The following VSX2 variants were observed in gnomAD, a reference collection of about 807,000 sequenced individuals.
The protein encoded by VSX2 is visual system homeobox 2.
VSX2 carries 28 observed loss-of-function variants against 32.1 expected under a neutral mutation model. That is an observed-to-expected ratio of 0.87 (90% CI 0.65 to 1.20). The LOEUF is 1.20. Among genes scored for constraint, VSX2 ranks in the 50% most tolerant of loss-of-function variants. The pLI is 0.00. For synonymous variants in VSX2, 243 were observed against 214.1 expected, an observed-to-expected ratio of 1.14 and a Z score of -1.18; for missense variants, 506 against 488.7, an observed-to-expected ratio of 1.04 and a Z score of -0.33.
At chr14:74,239,975 A>C (rs2079138714) in intron 1 of VSX2, 44 bp downstream of exon 1, 2 of 1,540,888 alleles carry the variant, frequency 1.3e-6, no homozygotes, top group Non-Finnish European at 1.8e-6. Context: ...GGGGGGCGAC[A>C]GCCGGGAGCC....
intron 2 of VSX2, among the ~76,000 whole-genome samples, chr14:74,244,920 G>GTGTGTGTGTC (rs2079176854): frequency 1.2e-5 from 1 of 83,272 alleles, no homozygotes. Flanking sequence ...GTGTGTGTGT[G>GTGTGTGTGTC]TGTGTGTGTG....
At chr14:74,244,979 T>TGA (rs2079181007) in intron 2 of VSX2, among the ~76,000 whole-genome samples, 186 bp from the exon 3 acceptor site, 2 of 39,102 alleles carry the variant, frequency 5.1e-5, no homozygotes, top group South Asian at 1.3e-3. Context: ...TGTGTGTGTG[T>TGA]GTGAGAGAGA....
intron 3 of VSX2, among the ~76,000 whole-genome samples, chr14:74,258,645 G>A (rs1318463102): frequency 2.0e-5 from 3 of 152,154 alleles, no homozygotes; most frequent in Non-Finnish European, 4.4e-5. Context: ...AGGGGCTCCC[G>A]GCTCTGTCAG....
intron 3 of VSX2, among the ~76,000 whole-genome samples, chr14:74,258,437 G>A (rs2079281872): frequency 6.6e-6 from 1 of 152,172 alleles, no homozygotes; most frequent in African/African-American, 2.4e-5. Context: ...CCCAGACCCA[G>A]GCAAGGAAAT....
chr14:74,256,669 CTTTTTTTTTTTT>C (rs34012116), intron 3 of VSX2, among the ~76,000 whole-genome samples: 1 of 93,052 alleles, frequency 1.1e-5, no homozygotes, highest in Non-Finnish European at 2.0e-5. Context: ...GGGAGTCATA[CTTTTTTTTTTTT>C]TTTTTTTTTT....
intron 3 of VSX2, among the ~76,000 whole-genome samples, chr14:74,247,508 G>A (rs1462860167): frequency 6.6e-6 from 1 of 152,224 alleles, no homozygotes; most frequent in East Asian, 1.9e-4. Context: ...CTCGGTGTCA[G>A]ATCTGATCTT....
At chr14:74,259,291 C>A (rs1405900148) in intron 3 of VSX2, among the ~76,000 whole-genome samples, 1 of 152,158 alleles carries the variant, frequency 6.6e-6, no homozygotes, top group East Asian at 1.9e-4. Context: ...TGCAAGAGAG[C>A]CATCAGTGGC....
At chr14:74,248,699 A>G (rs2079210668) in intron 3 of VSX2, among the ~76,000 whole-genome samples, 1 of 50,856 alleles carries the variant, frequency 2.0e-5, no homozygotes, top group East Asian at 4.8e-4. Context: ...TCAAAAACAA[A>G]CGAACAAAAA....
chr14:74,242,036 A>G (rs1014227879), intron 2 of VSX2, among the ~76,000 whole-genome samples: 2 of 152,146 alleles, frequency 1.3e-5, no homozygotes, highest in Non-Finnish European at 2.9e-5. Context: ...TATATCTTGA[A>G]AAGTAACCTA....
chr14:74,241,801 T>A (rs896666857), intron 2 of VSX2, among the ~76,000 whole-genome samples: 4 of 152,220 alleles, frequency 2.6e-5, no homozygotes, highest in African/African-American at 9.6e-5. Flanking sequence ...TGCTCATTCG[T>A]GATTCTGACC....
Position 74,241,234 on chromosome 14 carries a change from C to A in VSX2, c.423C>A (p.Asn141Lys). Residue 141 changes from asparagine to lysine, a missense_variant, in exon 2 of 5, where the codon AAC becomes AAA. Asn to Lys is a moderately conservative substitution (Grantham distance 94). Coordinates refer to ENST00000261980, the MANE Select transcript of VSX2 (RefSeq NM_182894.3). ...SDRKMSKSAL[N>K]QTKKRKKRRH... ...GAAAAATGTCCAAATCTGCTTTAAACCAGACCAAGAAACGGAAGAAGCGGC... is the reference window on the plus strand; with the variant it reads ...GAAAAATGTCCAAATCTGCTTTAAAACAGACCAAGAAACGGAAGAAGCGGC... 6.2e-7 allele frequency: 1 copy of A among 1,613,444 alleles called. No homozygotes were observed. The highest frequency in any genetic ancestry group is 8.5e-7 in the Non-Finnish European group (1 of 1,180,004).
At position 74,241,472 on chromosome 14, in the gene VSX2, G is replaced by C. The variant is rs1475151478; in HGVS notation, c.455+206G>C. 2.0e-5 allele frequency among the ~76,000 whole-genome samples: 3 copies of C among 152,242 alleles called. No homozygotes were observed. The East Asian group carries it at 5.8e-4, about 29-fold the overall frequency. On this transcript the variant is annotated intron_variant, in intron 2 of 4. Transcript: ENST00000261980. ...GGTTGAGCAGGATGAGTGGCCGCCG[G>C]GAAAGCGGCCCGGTTCGGGCTTTCT...
chr14:74,259,730 C>T lies in VSX2; in HGVS notation c.708C>T (p.Ile236=). ...ACTCCATCCCCCTGCCCGAGTCCAT[C>T]CTCAAGTCAGCCAAGGATGGCATCA... is the stretch of plus-strand genomic sequence containing the variant. ...VRHSIPLPES[I]LKSAKDGIMD... The change falls in exon 4 of 5, where the codon ATC becomes ATT. Residue 236 remains isoleucine (I), a synonymous_variant. Coordinates refer to ENST00000261980, the MANE Select transcript of VSX2 (RefSeq NM_182894.3). 1 of 1,613,654 alleles carries T rather than the reference C, an allele frequency of 6.2e-7. No homozygotes were observed. Among genetic ancestry groups the T allele is most frequent in the African/African-American group, 1.3e-5 (1 of 75,038 alleles).
At chr14:74,242,844 C>T (rs980174703) in intron 2 of VSX2, among the ~76,000 whole-genome samples, 5 of 152,064 alleles carry the variant, frequency 3.3e-5, no homozygotes, top group African/African-American at 9.7e-5. Context: ...GAAAAAGCAT[C>T]CCCAAACCCT....
rs762750114 is a variant in VSX2, at chr14:74,260,646, G to C, written c.813G>C (p.Glu271Asp). The C allele has an allele frequency of 1.1e-5, 17 of 1,606,088 alleles. No homozygotes were observed. The highest frequency in any genetic ancestry group is 1.7e-4 in the Middle Eastern group (1 of 6,046). ...CAGCCGAGTCGGGGAGGAAGCCCGA[G>C]GGGGAACGCCAGGCCCTGCCCAAGC... ...EAAAESGRKP[E>D]GERQALPKLD... The change falls in exon 5 of 5, where the codon GAG becomes GAC. Residue 271 changes from glutamate to aspartate, a missense_variant. Physicochemically the swap from Glu to Asp is conservative, Grantham distance 45 (BLOSUM62 2). Coordinates refer to ENST00000261980, the MANE Select transcript of VSX2 (RefSeq NM_182894.3).
Position 74,262,317 on chromosome 14 carries a change from C to A in VSX2, c.*1398C>A, listed in dbSNP as rs1404099047. On this transcript the variant is annotated 3_prime_UTR_variant, in exon 5 of 5. Coordinates refer to ENST00000261980, the MANE Select transcript of VSX2 (RefSeq NM_182894.3). ...TCTCCGGCCTGGCCTTTTCCATTCG[C>A]ATGAACAATGGGAGCACATAGCCCT... is the stretch of plus-strand genomic sequence containing the variant. 6.6e-6 allele frequency: 1 copy of A among 152,394 alleles called. No homozygotes were observed. 9.4% of individuals were successfully genotyped at this position (152,394 alleles called of 1,614,324 possible).
chr14:74,239,932 G>T lies in VSX2; in HGVS notation c.370+1G>T. 6.4e-7 allele frequency: 1 copy of T among 1,562,356 alleles called. No homozygotes were observed. The highest frequency in any genetic ancestry group is 2.4e-5 in the East Asian group (1 of 42,318). On this transcript the variant is annotated splice_donor_variant, in intron 1 of 4. Coordinates refer to ENST00000261980, the MANE Select transcript of VSX2 (RefSeq NM_182894.3). LOFTEE classifies it high-confidence loss of function. ...GACACCAGCCAGACGGCCAGCTCGG[G>T]TAGGTGAGGAGAGGTTGCGCTGCTG...
At chr14:74,252,381 C>G (rs1351480947) in intron 3 of VSX2, among the ~76,000 whole-genome samples, 1 of 109,766 alleles carries the variant, frequency 9.1e-6, no homozygotes, top group Non-Finnish European at 2.1e-5. Flanking sequence ...ACAACCTGGG[C>G]TTTCTTTTCT....
intron 3 of VSX2, among the ~76,000 whole-genome samples, chr14:74,249,433 G>A (rs2079215772): frequency 6.6e-6 from 1 of 152,086 alleles, no homozygotes; most frequent in Non-Finnish European, 1.5e-5. Context: ...ACCATGCCTG[G>A]CTAATTTTTG....
Sources: allele counts gnomAD v4.1 joint callset (sites outside exome capture counted in the v4.1 genomes callset), GRCh38; gene constraint gnomAD v4.1.1; transcripts MANE v1.5; gene names NCBI Gene and HGNC (gene_info 2026-07-23, HGNC 2026-07-21).